The following MYH14 variants were observed in gnomAD, a reference collection of about 807,000 sequenced individuals.
MYH14 encodes myosin-14.
In MYH14, 123 loss-of-function variants were observed where a neutral mutation model predicts 255.5. The observed-to-expected ratio is 0.48, with a 90% confidence interval of 0.42 to 0.56. The LOEUF is 0.56. MYH14 is among the 20% of genes least tolerant of loss of function. The probability of loss-of-function intolerance (pLI) is 0.00; values close to 1 mark genes in which losing one functional copy is unlikely to be tolerated. For synonymous variants in MYH14, 1,095 were observed against 1,161.2 expected (o/e 0.94, Z 1.16); for missense variants, 2,423 against 2,802.3 (o/e 0.86, Z 3.06).
intron 30 of MYH14, among the ~76,000 whole-genome samples, chr19:50,279,563 G>A (rs2035635519): frequency 6.6e-6 from 1 of 152,196 alleles, no homozygotes; most frequent in South Asian, 2.1e-4. Flanking sequence ...CACCTGGGAG[G>A]CGGAGGTTGC....
rs550676956 is a variant in MYH14 at position 50,267,212 on chromosome 19, G to A, written c.2826+204G>A. Among the ~76,000 whole-genome samples, 30 of 151,986 alleles carry A rather than the reference G, an allele frequency of 2.0e-4. No homozygotes were observed. The South Asian group carries it at 6.0e-3, about 31-fold the overall frequency. ...TAGTTTGGTTGAGTCGTGACGTACA[G>A]GGAGCAGGGCCCTGGGGGTGTAGCC... On this transcript the variant is annotated intron_variant, in intron 23 of 42. Transcript: ENST00000642316.
intron 18 of MYH14, among the ~76,000 whole-genome samples, chr19:50,258,210 G>A (rs893383505): frequency 6.6e-6 from 1 of 151,980 alleles, no homozygotes; most frequent in African/African-American, 2.4e-5. Context: ...GATTACAGGC[G>A]TGAGCCACCA....
At chr19:50,219,321 A>G (rs2032683793) in intron 3 of MYH14, among the ~76,000 whole-genome samples, 1 of 151,902 alleles carries the variant, frequency 6.6e-6, no homozygotes, top group Admixed American at 6.6e-5. Context: ...TTGCTGGATC[A>G]AATGATATAT....
rs34909309 is a variant in MYH14, at chr19:50,236,034, T to TAAA, written c.1114+3973_1114+3975dup. ...TCCATTCCATTACTATTGGAACAAT[T>TAAA]AAAAAAAAAAATGCTAAGCCAGCGC... On this transcript the variant is annotated intron_variant, in intron 10 of 42. Transcript: ENST00000642316. 4.3e-3 allele frequency among the ~76,000 whole-genome samples: 651 copies of TAAA among 149,880 alleles called. 6 individuals carry two copies. The highest frequency in any genetic ancestry group is 0.014 in the African/African-American group (580 of 40,824).
chr19:50,284,525 A>G (rs2035826289), intron 33 of MYH14, among the ~76,000 whole-genome samples: 1 of 151,340 alleles, frequency 6.6e-6, no homozygotes, highest in Admixed American at 6.6e-5. Flanking sequence ...ATGCCGCCAC[A>G]CCCGGCTAAT....
At chr19:50,287,391 A>G (rs1026766147) in intron 34 of MYH14, among the ~76,000 whole-genome samples, 1 of 152,144 alleles carries the variant, frequency 6.6e-6, no homozygotes, top group African/African-American at 2.4e-5. Context: ...AGAATCTTCT[A>G]TTACTTGTTT....
intron 19 of MYH14, among the ~76,000 whole-genome samples, chr19:50,260,228 A>AC (rs2034772255): frequency 1.3e-5 from 2 of 152,088 alleles, no homozygotes; most frequent in African/African-American, 4.8e-5. Flanking sequence ...GGAGTTCAAG[A>AC]CAGCCTGGCC....
rs141422079 is a variant in MYH14 at position 50,208,934 on chromosome 19, G to A, written c.-3-1429G>A. Among the ~76,000 whole-genome samples the A allele has an allele frequency of 3.0e-3, 450 of 151,894 alleles. 1 individual carries two copies. The highest frequency in any genetic ancestry group is 4.8e-3 in the Non-Finnish European group (327 of 67,922). ...TTTGGGGAGCCAAGGCAGGAGGATC[G>A]CTTGAGCCCAGGAGTTTGAGACCAG... is the stretch of plus-strand genomic sequence containing the variant. On this transcript the variant is annotated intron_variant, in intron 1 of 42. Transcript: ENST00000642316.
At chr19:50,234,909 T>C (rs912425377) in intron 10 of MYH14, among the ~76,000 whole-genome samples, 6 of 152,176 alleles carry the variant, frequency 3.9e-5, no homozygotes, top group Non-Finnish European at 8.8e-5. Context: ...CTGGCCCTAG[T>C]TTCCCACTGT....
At chr19:50,294,088 A>C (rs1200999190) in intron 39 of MYH14, among the ~76,000 whole-genome samples, 1 of 152,190 alleles carries the variant, frequency 6.6e-6, no homozygotes, top group Non-Finnish European at 1.5e-5. Context: ...ATTTATAAAT[A>C]TTTTCTGAGG....
At chr19:50,246,908 C>G in intron 11 of MYH14, 96 bp from the exon 12 acceptor site, 1 of 816,726 alleles carries the variant, frequency 1.2e-6, no homozygotes, top group Non-Finnish European at 2.0e-6. Flanking sequence ...CCGTCTTCTG[C>G]TCCCCCAACA....
rs1459334407 is a variant in MYH14 at position 50,301,820 on chromosome 19, C to G, written c.5629C>G (p.Leu1877Val). ...CCGCCACAAGATGACCATTGCTGCC[C>G]TTGAGTCTAAGTTGGCCCAGGCTGA... ...RARHKMTIAA[L>V]ESKLAQAEEQ... Residue 1877 changes from leucine to valine, a missense_variant, in exon 40 of 43, where the codon CTT becomes GTT. Physicochemically the swap from Leu to Val is conservative, Grantham distance 32. Around this residue, in one of 3 missense-constraint regions of MYH14, gnomAD observed 1,513 missense variants for 1,674.8 expected, o/e 0.90. Transcript: ENST00000642316. 5.0e-6 allele frequency: 8 copies of G among 1,613,674 alleles called. No homozygotes were observed. Among genetic ancestry groups the G allele is most frequent in the African/African-American group, 1.3e-5 (1 of 74,906 alleles).
At chr19:50,286,793 C>A in intron 34 of MYH14, 99 bp downstream of exon 34, 1 of 1,172,350 alleles carries the variant, frequency 8.5e-7, no homozygotes, top group Non-Finnish European at 1.2e-6. Context: ...AACCAGCCAT[C>A]AAAGTCATAT....
In MYH14 at chr19:50,309,351, C is replaced by T. The variant is rs934600295; in HGVS notation, c.5960+174C>T. The T allele has an allele frequency of 1.1e-5, 7 of 661,438 alleles. No individual in the cohort carries two copies. The Admixed American group carries it at 1.8e-4, about 17-fold the overall frequency. 41.0% of individuals were successfully genotyped at this position (661,438 alleles called of 1,614,324 possible). On this transcript the variant is annotated intron_variant, in intron 42 of 42. Transcript: ENST00000642316. Reference sequence around the variant, plus strand: ...AGAGCCAAATCCAGGTAACTTCTTTCTTCCCACACCCATTTCTCCCTGTCA... The same window carrying T: ...AGAGCCAAATCCAGGTAACTTCTTTTTTCCCACACCCATTTCTCCCTGTCA...
Position 50,278,263 on chromosome 19 carries a change from G to T in MYH14, c.4006G>T (p.Ala1336Ser). The T allele has an allele frequency of 6.4e-7, 1 of 1,572,916 alleles. No homozygotes were observed. Among genetic ancestry groups the T allele is most frequent in the Non-Finnish European group, 8.6e-7 (1 of 1,158,940 alleles). ...AGDGERARAE[A>S]AEKLQRAQAE... ...TGATGGGGAGAGGGCACGAGCGGAG[G>T]CTGCTGAGAAGCTGCAGCGAGCCCA... Residue 1336 changes from alanine (A) to serine (S), a missense_variant, in exon 30 of 43, where the codon GCT (alanine) becomes TCT (serine). By Grantham distance (99) the Ala-to-Ser change is moderately conservative. Around this residue, in one of 3 missense-constraint regions of MYH14, gnomAD observed 1,513 missense variants for 1,674.8 expected, o/e 0.90. Transcript: ENST00000642316.
At position 50,276,170 on chromosome 19, in the gene MYH14, C is replaced by T. The variant is rs748005945; in HGVS notation, c.3647C>T (p.Thr1216Met). 20 of 1,554,830 alleles carry T rather than the reference C, an allele frequency of 1.3e-5. No individual in the cohort carries two copies. The highest frequency in any genetic ancestry group is 7.2e-5 in the East Asian group (3 of 41,466). Residue 1216 changes from threonine (T) to methionine (M), a missense_variant, in exon 28 of 43, where the codon ACG becomes ATG. Around this residue, in one of 3 missense-constraint regions of MYH14, gnomAD observed 1,513 missense variants for 1,674.8 expected, o/e 0.90. Transcript: ENST00000642316. The surrounding 1 kb of genome is among the most constrained non-coding windows in gnomAD (Gnocchi z 4.3). Reference protein sequence around the residue: ...LEALRGELEDTLDSTNAQQEL... With the variant: ...LEALRGELEDMLDSTNAQQEL... ...GCGCTGCGGGGCGAGCTGGAGGACA[C>T]GCTGGACTCCACCAACGCACAGCAG...
rs769502423 is a variant in MYH14 at position 50,230,660 on chromosome 19, G to A, written c.973+37G>A. The A allele has an allele frequency of 3.9e-6, 6 of 1,524,942 alleles. No homozygotes were observed. In the South Asian group the frequency reaches 6.0e-5, roughly 15 times the overall value. 94.5% of individuals were successfully genotyped at this position (1,524,942 alleles called of 1,614,324 possible). A position where few individuals can be genotyped will look rare whatever the true frequency, so the allele number is the denominator to read the frequency against. The stretch of plus-strand genomic sequence containing the variant: ...CCCGTCCTACCCTGCTCACCCGGGA[G>A]AGGGTGGGCACCATGTCTCTCGGGG... On this transcript the variant is annotated intron_variant, in intron 9 of 42. Coordinates refer to ENST00000642316, the MANE Select transcript of MYH14 (RefSeq NM_001145809.2). This position sits in a 1 kb window ranked among gnomAD's most constrained non-coding sequence, Gnocchi z 4.7.
chr19:50,302,907 GAAA>G (rs901804721), intron 40 of MYH14, among the ~76,000 whole-genome samples: 4 of 148,100 alleles, frequency 2.7e-5, no homozygotes, highest in Non-Finnish European at 1.5e-5. Flanking sequence ...GCCTCAAAAA[GAAA>G]AAAAAAGAAA....
intron 10 of MYH14, among the ~76,000 whole-genome samples, chr19:50,234,545 T>A (rs921084998): frequency 6.6e-6 from 1 of 152,130 alleles, no homozygotes; most frequent in Non-Finnish European, 1.5e-5. Flanking sequence ...TGTGGCCTAT[T>A]GACACAGGGT....
Sources: gnomAD v4.1 joint callset for allele counts (sites outside exome capture counted in the v4.1 genomes callset) on GRCh38, gnomAD v4.1.1 for gene constraint, gnomAD v4.1.1 regional missense constraint, Gnocchi (gnomAD v3.1) non-coding constraint, MANE v1.5 for transcripts, NCBI Gene and HGNC (gene_info 2026-07-23, HGNC 2026-07-21) for gene names.